HECTD4: variants seen among roughly 807,000 people sequenced by gnomAD.
HECTD4 encodes HECT domain E3 ubiquitin protein ligase 4.
In HECTD4, 114 loss-of-function variants were observed where a neutral mutation model predicts 471.5. That is an observed-to-expected ratio of 0.24 (90% CI 0.21 to 0.28). The LOEUF (loss-of-function observed/expected upper bound fraction) is 0.28. Among genes scored for constraint, HECTD4 ranks in the 10% least tolerant of loss-of-function variants. HECTD4 has a pLI of 1.00. For missense variants in HECTD4, 3,866 were observed against 5,651.5 expected, an observed-to-expected ratio of 0.68 and a Z score of 10.13; for synonymous variants, 2,012 against 2,256.0, an observed-to-expected ratio of 0.89 and a Z score of 3.07.
intron 1 of HECTD4, among the ~76,000 whole-genome samples, chr12:112,378,647 CTG>C (rs1274701493): frequency 1.3e-5 from 2 of 152,162 alleles, no homozygotes; most frequent in Admixed American, 1.3e-4. Flanking sequence ...TTATAAAACT[CTG>C]TGGAAAATGG....
chr12:112,251,270 A>G, intron 23 of HECTD4, 136 bp from the exon 24 acceptor site: 1 of 733,966 alleles, frequency 1.4e-6, no homozygotes, highest in South Asian at 2.3e-5. Flanking sequence ...TAGGGGACAC[A>G]GGTACAGCAC....
At chr12:112,349,388 C>CAAAAAAAAAAAA (rs60480485) in intron 1 of HECTD4, among the ~76,000 whole-genome samples, 13 of 54,688 alleles carry the variant, frequency 2.4e-4, no homozygotes, top group East Asian at 1.0e-3. Flanking sequence ...ACTCTTGCTC[C>CAAAAAAAAAAAA]AAAAAAAAAA....
In HECTD4 at chr12:112,228,499, A is replaced by G. The variant is rs1303078998; in HGVS notation, c.6684+148T>C. 11 of 875,304 alleles carry G rather than the reference A, an allele frequency of 1.3e-5. No homozygotes were observed. Among genetic ancestry groups the G allele is most frequent in the Non-Finnish European group, 1.8e-5 (11 of 599,864 alleles). 54.2% of individuals were successfully genotyped at this position (875,304 alleles called of 1,614,324 possible). On this transcript the variant is annotated intron_variant, in intron 42 of 75. Coordinates refer to ENST00000682272, the MANE Select transcript of HECTD4 (RefSeq NM_001388303.1). This position sits in a 1 kb window ranked among gnomAD's most constrained non-coding sequence, Gnocchi z 4.9. ...ATTTTCACATAAGCATTACTATTAA[A>G]TAACTATAACCAATACATAAATATA...
chr12:112,262,328 C>T (rs767579161), intron 17 of HECTD4, among the ~76,000 whole-genome samples: 11 of 151,700 alleles, frequency 7.3e-5, no homozygotes, highest in Admixed American at 2.0e-4. Flanking sequence ...CTGGACAACA[C>T]GGTGAAACCC....
chr12:112,278,818 G>A (rs921982803), intron 9 of HECTD4, among the ~76,000 whole-genome samples: 11 of 152,192 alleles, frequency 7.2e-5, no homozygotes, highest in Non-Finnish European at 1.3e-4. Context: ...ACTTCAACCC[G>A]GGAGGCAGAA....
At chr12:112,186,749 C>T (rs764337368) in intron 60 of HECTD4, among the ~76,000 whole-genome samples, 1 of 151,454 alleles carries the variant, frequency 6.6e-6, no homozygotes, top group Non-Finnish European at 1.5e-5. Flanking sequence ...CTCACTGCAA[C>T]CTCCGCCTCC....
intron 52 of HECTD4, among the ~76,000 whole-genome samples, chr12:112,206,689 A>G (rs2032595310): frequency 6.6e-6 from 1 of 151,960 alleles, no homozygotes; most frequent in Non-Finnish European, 1.5e-5. Context: ...GGTGCCTGCC[A>G]CCATGCCTGG....
intron 7 of HECTD4, among the ~76,000 whole-genome samples, chr12:112,305,485 A>G (rs2035253554): frequency 6.6e-6 from 1 of 152,016 alleles, no homozygotes; most frequent in African/African-American, 2.4e-5. Context: ...TTCACTAATT[A>G]CGATTATCTC....
chr12:112,198,314 A>C (rs1216418343), intron 55 of HECTD4, among the ~76,000 whole-genome samples: 1 of 152,220 alleles, frequency 6.6e-6, no homozygotes, highest in South Asian at 2.1e-4. Context: ...AGAACGAGAC[A>C]GCCAGGGGGA....
chr12:112,230,535 A>AC (rs1183107414), intron 40 of HECTD4, among the ~76,000 whole-genome samples, 152 bp downstream of exon 40: 1 of 152,220 alleles, frequency 6.6e-6, no homozygotes, highest in African/African-American at 2.4e-5. Context: ...TGAAAGTACT[A>AC]CAGTAAAGCA....
intron 25 of HECTD4, 36 bp downstream of exon 25, chr12:112,250,108 C>T: frequency 6.8e-7 from 1 of 1,477,990 alleles, no homozygotes; most frequent in South Asian, 1.2e-5. Context: ...CTTTTTTTTC[C>T]CATTGGGAAA....
At chr12:112,333,679 T>C (rs1198726240) in intron 1 of HECTD4, among the ~76,000 whole-genome samples, 1 of 152,090 alleles carries the variant, frequency 6.6e-6, no homozygotes, top group Non-Finnish European at 1.5e-5. Context: ...TCCCTGTATC[T>C]ATTAAACAAA....
At position 112,247,468 on chromosome 12, in the gene HECTD4, G is replaced by T; in HGVS notation, c.4331C>A (p.Ser1444Ter). The T allele has an allele frequency of 6.6e-7, 1 of 1,513,732 alleles. No homozygotes were observed. The allele number at this position is 1,513,732 out of a possible 1,614,324, so 93.8% of individuals were successfully genotyped here. A position where few individuals can be genotyped will look rare whatever the true frequency, so the allele number is the denominator to read the frequency against. ...AGTTATTAATACGACTAACCTCAGT[G>T]ATAGGACCATGTTTTCAAGATCATT... ...DGNDLENMVL[S>*]LREKFLQEVN... is the part of the protein sequence containing the mutation. The change falls in exon 28 of 76, where the codon TCA becomes TAA. Residue 1444 changes from serine (S) to a stop codon, truncating the protein, a stop_gained. Coordinates refer to ENST00000682272, the MANE Select transcript of HECTD4 (RefSeq NM_001388303.1). LOFTEE classifies it high-confidence loss of function.
chr12:112,276,673 T>C (rs1444337952), intron 9 of HECTD4, among the ~76,000 whole-genome samples: 1 of 152,148 alleles, frequency 6.6e-6, no homozygotes, highest in African/African-American at 2.4e-5. Flanking sequence ...TCTCGATCTC[T>C]TGACCTCATG....
chr12:112,214,894 C>G (rs1388586710), intron 48 of HECTD4, among the ~76,000 whole-genome samples: 1 of 152,102 alleles, frequency 6.6e-6, no homozygotes, highest in Non-Finnish European at 1.5e-5. Flanking sequence ...TGGCTCACAC[C>G]TGAGAGCCCA....
At chr12:112,240,742 T>C (rs2033623883) in intron 32 of HECTD4, among the ~76,000 whole-genome samples, 1 of 152,186 alleles carries the variant, frequency 6.6e-6, no homozygotes, top group Admixed American at 6.5e-5. Flanking sequence ...TGAGCCACTG[T>C]GCCTAGCCAA....
rs192256595 is a variant in HECTD4, at chr12:112,289,276, A to T, written c.1336-5974T>A. ...CACCACACCCAGCTAATTAAAAAAA[A>T]TTTTTTTGTAGAAATGGGGTCTCAC... On this transcript the variant is annotated intron_variant, in intron 7 of 75. Coordinates refer to ENST00000682272, the MANE Select transcript of HECTD4 (RefSeq NM_001388303.1). Among the ~76,000 whole-genome samples, 160 of 152,170 alleles carry T rather than the reference A, an allele frequency of 1.1e-3. 1 individual carries two copies. The South Asian group carries it at 0.012, about 11-fold the overall frequency.
rs573970810 is a variant in HECTD4, at chr12:112,212,740, CAG to C, written c.7466-92_7466-91del. On this transcript the variant is annotated intron_variant, in intron 48 of 75. Transcript: ENST00000682272. The stretch of plus-strand genomic sequence containing the variant: ...AACCGGAGTGTCACCCTACACATCA[CAG>C]ACTATTTATGCTCTCATTTACTTCT... The C allele has an allele frequency of 3.5e-5, 35 of 1,000,872 alleles. No individual in the cohort carries two copies. In the South Asian group the frequency reaches 6.3e-4, roughly 18 times the overall value. 62.0% of individuals were successfully genotyped at this position (1,000,872 alleles called of 1,614,324 possible).
chr12:112,250,266 A>G lies in HECTD4; in HGVS notation c.3828T>C (p.Asp1276=). The change falls in exon 25 of 76, where the codon GAT becomes GAC. Residue 1276 remains aspartate (D), a synonymous_variant. Transcript: ENST00000682272. ...AGTTTCCAACAGGAGGCACGAGGAC[A>G]TCAGAGGGGTAGGTGAATTCTCTGT... ...EEDREFTYPS[D]VLVPPVGNYF... The G allele has an allele frequency of 4.3e-6, 7 of 1,613,984 alleles. No homozygotes were observed. Among genetic ancestry groups the G allele is most frequent in the Non-Finnish European group, 5.1e-6 (6 of 1,179,852 alleles).
Sources: gnomAD v4.1 joint callset for allele counts (sites outside exome capture counted in the v4.1 genomes callset) on GRCh38, gnomAD v4.1.1 for gene constraint, Gnocchi (gnomAD v3.1) non-coding constraint, MANE v1.5 for transcripts, NCBI Gene and HGNC (gene_info 2026-07-23, HGNC 2026-07-21) for gene names.